The following FRY variants were observed in gnomAD, a reference collection of about 807,000 sequenced individuals.
The protein encoded by FRY is FRY microtubule binding protein.
Under a neutral mutation model 348.4 loss-of-function variants are expected in FRY, and 128 were observed. The observed-to-expected ratio is 0.37, with a 90% CI of 0.32 to 0.43. FRY has a LOEUF of 0.43. Ranked by LOEUF, FRY falls within the 20% of genes least tolerant of loss-of-function variation. The pLI is 1.00. For synonymous variants in FRY, 1,370 were observed against 1,374.7 expected (o/e 1.00, Z 0.08); for missense variants, 2,736 against 3,695.2 (o/e 0.74, Z 6.73).
intron 16 of FRY, among the ~76,000 whole-genome samples, chr13:32,160,374 T>G (rs1881372562): frequency 6.6e-6 from 1 of 152,196 alleles, no homozygotes; most frequent in Admixed American, 6.5e-5. Context: ...GGTGGGTAGT[T>G]TATTCCATAA....
Position 32,186,241 on chromosome 13 carries a change from A to G in FRY, c.3320-19A>G. Reference sequence around the variant, plus strand: ...AGTATGTCCAGTCTTATAACCTCTAAGTGTGTTTTTCTCCCTAGTTCACCA... The same window carrying G: ...AGTATGTCCAGTCTTATAACCTCTAGGTGTGTTTTTCTCCCTAGTTCACCA... On this transcript the variant is annotated intron_variant, in intron 26 of 60. Transcript: ENST00000542859. The G allele has an allele frequency of 1.3e-6, 2 of 1,593,474 alleles. No homozygotes were observed. The highest frequency in any genetic ancestry group is 1.7e-6 in the Non-Finnish European group (2 of 1,161,136).
chr13:32,142,221 G>A (rs1486329692), intron 11 of FRY, among the ~76,000 whole-genome samples: 2 of 152,186 alleles, frequency 1.3e-5, no homozygotes, highest in Admixed American at 6.5e-5. Flanking sequence ...TTAAAGTGAA[G>A]TGGAAAATTT....
In FRY at chr13:32,251,905, G is replaced by A. The variant is rs1215139816; in HGVS notation, c.7198G>A (p.Val2400Ile). The A allele has an allele frequency of 6.2e-7, 1 of 1,613,012 alleles. No homozygotes were observed. The highest frequency in any genetic ancestry group is 8.5e-7 in the Non-Finnish European group (1 of 1,179,008). The change falls in exon 50 of 61, where the codon GTC becomes ATC. Residue 2400 changes from valine (V) to isoleucine (I), a missense_variant. This residue lies in a region of FRY where 789 missense variants were observed against 996.2 expected (regional missense o/e 0.79). Transcript: ENST00000542859. The stretch of plus-strand genomic sequence containing the variant: ...GAGAACAAAAGAGAAGTTGGTACAT[G>A]TCCTTTCTCTGTGTGGCCAAGAAGT... ...QKRTKEKLVH[V>I]LSLCGQEVGL... is the part of the protein sequence containing the mutation.
chr13:32,212,699 G>A (rs1884753374), intron 35 of FRY, among the ~76,000 whole-genome samples: 1 of 152,138 alleles, frequency 6.6e-6, no homozygotes, highest in Admixed American at 6.5e-5. Context: ...AATTAGAATT[G>A]CCATGTGAAA....
intron 3 of FRY, among the ~76,000 whole-genome samples, chr13:32,111,673 T>C (rs924194307): frequency 6.6e-6 from 1 of 152,150 alleles, no homozygotes; most frequent in African/African-American, 2.4e-5. Context: ...AGAACGCTCT[T>C]ATACCAAATG....
At chr13:32,175,689 A>G (rs1194918521) in intron 20 of FRY, 57 bp downstream of exon 20, 2 of 987,190 alleles carry the variant, frequency 2.0e-6, no homozygotes, top group Non-Finnish European at 3.3e-6. Flanking sequence ...CCTATCTAAA[A>G]TAGTCAGTGA....
intron 4 of FRY, among the ~76,000 whole-genome samples, chr13:32,123,105 A>T (rs967141261): frequency 1.3e-5 from 2 of 152,200 alleles, no homozygotes; most frequent in African/African-American, 4.8e-5. Flanking sequence ...TGTGAAAATG[A>T]CCACACTGCC....
In FRY at chr13:32,295,303, C is replaced by A. The variant is rs1337199641; in HGVS notation, c.8885C>A (p.Thr2962Asn). ...CACCAAACTCTGGGACAGACGGGTACTTATGCCCTGGTGGGGTCTAACCAG... is the reference window on the plus strand; with the variant it reads ...CACCAAACTCTGGGACAGACGGGTAATTATGCCCTGGTGGGGTCTAACCAG... Reference protein sequence around the residue: ...FRHQTLGQTGTYALVGSNQSL... With the variant: ...FRHQTLGQTGNYALVGSNQSL... Residue 2962 changes from threonine (T) to asparagine (N), a missense_variant, in exon 61 of 61, where the codon ACT becomes AAT. Coordinates refer to ENST00000542859, the MANE Select transcript of FRY (RefSeq NM_023037.3). 3 of 1,613,874 alleles carry A rather than the reference C, an allele frequency of 1.9e-6. No homozygotes were observed. The highest frequency in any genetic ancestry group is 2.5e-6 in the Non-Finnish European group (3 of 1,179,922).
intron 17 of FRY, among the ~76,000 whole-genome samples, chr13:32,166,259 T>C (rs917891928): frequency 2.0e-5 from 3 of 152,210 alleles, no homozygotes; most frequent in South Asian, 2.1e-4. Context: ...TCCCTCTTAA[T>C]TGTTGCCACC....
chr13:32,261,915 G>T (rs1593816333), intron 52 of FRY, 99 bp downstream of exon 52: 4 of 1,097,790 alleles, frequency 3.6e-6, no homozygotes, highest in African/African-American at 3.1e-5. Flanking sequence ...ACTTTCCACA[G>T]CTGCTGAACT....
At chr13:32,267,511 C>G (rs1887982199) in intron 55 of FRY, 152 bp downstream of exon 55, 1 of 705,282 alleles carries the variant, frequency 1.4e-6, no homozygotes, top group East Asian at 2.7e-5. Flanking sequence ...TTTGAAATTT[C>G]TTCTATTTAC....
intron 35 of FRY, 32 bp from the exon 36 acceptor site, chr13:32,218,717 A>G (rs1885142465): frequency 2.3e-6 from 3 of 1,311,578 alleles, no homozygotes; most frequent in African/African-American, 2.9e-5. Flanking sequence ...ACACATGTTA[A>G]TATTTCATTC....
chr13:32,083,667 T>C (rs1415291347), intron 2 of FRY, among the ~76,000 whole-genome samples: 2 of 152,206 alleles, frequency 1.3e-5, no homozygotes, highest in Non-Finnish European at 2.9e-5. Flanking sequence ...GACACAACTG[T>C]ATATCTCAAA....
chr13:32,233,691 G>A (rs907762906), intron 41 of FRY, among the ~76,000 whole-genome samples: 6 of 152,266 alleles, frequency 3.9e-5, no homozygotes, highest in African/African-American at 9.6e-5. Flanking sequence ...TACAAAAAAA[G>A]GAGAGTATTC....
chr13:32,227,027 T>A (rs1026337224), intron 39 of FRY, among the ~76,000 whole-genome samples: 1 of 152,200 alleles, frequency 6.6e-6, no homozygotes, highest in African/African-American at 2.4e-5. Context: ...TCTTAAATGT[T>A]AGGCAGAGAA....
At chr13:32,117,756 C>T (rs1201737715) in intron 4 of FRY, among the ~76,000 whole-genome samples, 1 of 151,042 alleles carries the variant, frequency 6.6e-6, no homozygotes, top group African/African-American at 2.4e-5. Context: ...TTCCTCTGCC[C>T]TCTCCCACTG....
chr13:32,270,916 A>G lies in FRY; in HGVS notation c.8136+3557A>G, dbSNP rs1888170776. On this transcript the variant is annotated intron_variant, in intron 55 of 60. Coordinates refer to ENST00000542859, the MANE Select transcript of FRY (RefSeq NM_023037.3). ...GGTGCTCAGTAAATGTAGGAAGAAT[A>G]AATGGAAACCTTAAACACACAGCTT... is the stretch of plus-strand genomic sequence containing the variant. 5.3e-5 allele frequency among the ~76,000 whole-genome samples: 8 copies of G among 152,356 alleles called. 1 individual carries two copies. In the South Asian group the frequency reaches 1.7e-3, roughly 32 times the overall value.
At position 32,286,644 on chromosome 13, in the gene FRY, G is replaced by A. The variant is rs554505778; in HGVS notation, c.8470-2989G>A. Among the ~76,000 whole-genome samples, 8 of 150,112 alleles carry A rather than the reference G, an allele frequency of 5.3e-5. 1 individual carries two copies. Among genetic ancestry groups the A allele is most frequent in the Admixed American group, 2.7e-4 (4 of 14,928 alleles). ...GCCTATAGTCCCAGCTACATTGGGA[G>A]GCTGAGGCAAGAGAATGGTGTGAAC... On this transcript the variant is annotated intron_variant, in intron 58 of 60. Coordinates refer to ENST00000542859, the MANE Select transcript of FRY (RefSeq NM_023037.3).
At chr13:32,190,724 A>G (rs1883289854) in intron 28 of FRY, among the ~76,000 whole-genome samples, 1 of 152,188 alleles carries the variant, frequency 6.6e-6, no homozygotes. Context: ...GAATAGGAAG[A>G]TTCACTATTG....
Sources: allele counts gnomAD v4.1 joint callset (sites outside exome capture counted in the v4.1 genomes callset), GRCh38; gene constraint gnomAD v4.1.1; regional missense constraint gnomAD v4.1.1; transcripts MANE v1.5; gene names NCBI Gene and HGNC (gene_info 2026-07-23, HGNC 2026-07-21).